Variants in IGFL1 observed in about 807,000 individuals in gnomAD.
The protein encoded by IGFL1 is insulin growth factor-like family member 1.
IGFL1 carries 16 observed loss-of-function variants against 16.0 expected under a neutral mutation model. The ratio of observed to expected loss-of-function variants is 1.00; its 90% CI spans 0.68 to 1.52. IGFL1 has a LOEUF of 1.52. Among genes scored for constraint, IGFL1 ranks in the 40% most tolerant of loss-of-function variants. The pLI, the probability that IGFL1 is intolerant of heterozygous loss-of-function variation, is 0.00. For missense variants in IGFL1, 149 were observed against 141.7 expected (o/e 1.05, Z -0.26); for synonymous variants, 59 against 54.0 (o/e 1.09, Z -0.41).
At chr19:46,230,232 C>T in intron 2 of IGFL1, 42 bp from the exon 3 acceptor site, 1 of 1,613,476 alleles carries the variant, frequency 6.2e-7, no homozygotes, top group South Asian at 1.1e-5. Flanking sequence ...TGGGACCCAC[C>T]TGCCACTACC....
In IGFL1 at chr19:46,230,881, T is replaced by G; in HGVS notation, c.*51T>G. 1 of 1,571,284 alleles carries G rather than the reference T, an allele frequency of 6.4e-7. No homozygotes were observed. The highest frequency in any genetic ancestry group is 8.7e-7 in the Non-Finnish European group (1 of 1,149,040). ...CTGGATTCTCCTTCCTGGGTGGGCCTGGAGAAAGAGGCTGGTGTTACCTGA... is the reference window on the plus strand; with the variant it reads ...CTGGATTCTCCTTCCTGGGTGGGCCGGGAGAAAGAGGCTGGTGTTACCTGA... On this transcript the variant is annotated 3_prime_UTR_variant, in exon 4 of 4. Transcript: ENST00000437936.
At chr19:46,230,624 TTC>T (rs1424087707) in intron 3 of IGFL1, 107 bp downstream of exon 3, 5 of 1,514,934 alleles carry the variant, frequency 3.3e-6, no homozygotes, top group Admixed American at 1.7e-5. Context: ...TGCCCCCTGC[TTC>T]TATTCAATCC....
At position 46,230,326 on chromosome 19, in the gene IGFL1, G is replaced by A. The variant is rs957698371; in HGVS notation, c.132G>A (p.Gly44=). The change falls in exon 3 of 4, where the codon GGG becomes GGA. Residue 44 remains glycine (G), a synonymous_variant. Transcript: ENST00000437936. ...TGTGCCAGCCACACAAGAGATGTGG[G>A]GACAAGTTCTACGACCCCCTGCAGC... The part of the protein sequence containing the change: ...LMLCQPHKRC[G]DKFYDPLQHC... The A allele has an allele frequency of 2.5e-6, 4 of 1,613,850 alleles. No individual in the cohort carries two copies. Among genetic ancestry groups the A allele is most frequent in the African/African-American group, 2.7e-5 (2 of 74,894 alleles).
At position 46,230,129 on chromosome 19, in the gene IGFL1, T is replaced by C. The variant is rs147938784; in HGVS notation, c.47T>C (p.Ile16Thr). The C allele has an allele frequency of 1.9e-4, 308 of 1,613,854 alleles. 1 individual carries two copies. In the African/African-American group the frequency reaches 3.8e-3, roughly 20 times the overall value. Residue 16 changes from isoleucine to threonine, a missense_variant, in exon 2 of 4, where the codon ATC (isoleucine) becomes ACC (threonine). Physicochemically the swap from Ile to Thr is moderately conservative, Grantham distance 89 (BLOSUM62 -1). Coordinates refer to ENST00000437936, the MANE Select transcript of IGFL1 (RefSeq NM_198541.2). Reference protein sequence around the residue: ...CIVAVFAIFCISRLLCSHGAP... With the variant: ...CIVAVFAIFCTSRLLCSHGAP... ...ACAGCTGTCTTTGCCATTTTCTGCA[T>C]CTCCAGGCTCCTCTGCTCACACGGA...
In IGFL1 at chr19:46,230,329, C is replaced by A; in HGVS notation, c.135C>A (p.Asp45Glu). The A allele has an allele frequency of 1.2e-6, 2 of 1,614,014 alleles. No individual in the cohort carries two copies. Among genetic ancestry groups the A allele is most frequent in the Non-Finnish European group, 8.5e-7 (1 of 1,179,894 alleles). Residue 45 changes from aspartate to glutamate, a missense_variant, in exon 3 of 4, where the codon GAC becomes GAA. Transcript: ENST00000437936. ...MLCQPHKRCG[D>E]KFYDPLQHCC... ...GCCAGCCACACAAGAGATGTGGGGACAAGTTCTACGACCCCCTGCAGCACT... is the reference window on the plus strand; with the variant it reads ...GCCAGCCACACAAGAGATGTGGGGAAAAGTTCTACGACCCCCTGCAGCACT...
Position 46,230,900 on chromosome 19 carries a change from T to A in IGFL1, c.*70T>A. ...TGGGCCTGGAGAAAGAGGCTGGTGT[T>A]ACCTGAGATCTGGGATGCTGAGTGG... On this transcript the variant is annotated 3_prime_UTR_variant, in exon 4 of 4. Transcript: ENST00000437936. The A allele has an allele frequency of 6.8e-7, 1 of 1,476,170 alleles. No homozygotes were observed. The highest frequency in any genetic ancestry group is 9.4e-7 in the Non-Finnish European group (1 of 1,068,172). 91.4% of individuals were successfully genotyped at this position (1,476,170 alleles called of 1,614,324 possible).
chr19:46,230,785 G>A, intron 3 of IGFL1, 36 bp from the exon 4 acceptor site: 1 of 1,609,868 alleles, frequency 6.2e-7, no homozygotes. Flanking sequence ...GGCCATCTCT[G>A]TCCCGCTCAG....
chr19:46,230,563 A>G (rs1329872834), intron 3 of IGFL1, 46 bp downstream of exon 3: 1 of 1,604,956 alleles, frequency 6.2e-7, no homozygotes, highest in Admixed American at 1.7e-5. Flanking sequence ...GGGTAGCTGC[A>G]TGCCTGTTCT....
At position 46,229,742 on chromosome 19, in the gene IGFL1, C is replaced by A. The variant is rs377438135; in HGVS notation, c.-33C>A. On this transcript the variant is annotated 5_prime_UTR_variant, in exon 1 of 4. Coordinates refer to ENST00000437936, the MANE Select transcript of IGFL1 (RefSeq NM_198541.2). ...AAAGGAGTGGCTGAGATCTGCTGAT[C>A]CCCTCCTCACTCCACTGCAACCACC... 6 of 1,589,608 alleles carry A rather than the reference C, an allele frequency of 3.8e-6. No individual in the cohort carries two copies. Among genetic ancestry groups the A allele is most frequent in the Admixed American group, 1.8e-5 (1 of 56,818 alleles).
chr19:46,231,039 G>A lies in IGFL1; in HGVS notation c.*209G>A. On this transcript the variant is annotated 3_prime_UTR_variant, in exon 4 of 4. Transcript: ENST00000437936. The stretch of plus-strand genomic sequence containing the variant: ...CCCACAGGTCCCCTTCTAGAATTCT[G>A]GACAGCATGAGATGCGTGTGCTGAT... 1.6e-6 allele frequency: 1 copy of A among 640,270 alleles called. No homozygotes were observed. Among genetic ancestry groups the A allele is most frequent in the African/African-American group, 1.8e-5 (1 of 55,770 alleles). 39.7% of individuals were successfully genotyped at this position (640,270 alleles called of 1,614,324 possible). A position where few individuals can be genotyped will look rare whatever the true frequency, so the allele number is the denominator to read the frequency against.
chr19:46,230,332 G>A lies in IGFL1; in HGVS notation c.138G>A (p.Lys46=). 1.2e-6 allele frequency: 2 copies of A among 1,613,998 alleles called. No homozygotes were observed. The highest frequency in any genetic ancestry group is 8.5e-7 in the Non-Finnish European group (1 of 1,179,888). ...AGCCACACAAGAGATGTGGGGACAA[G>A]TTCTACGACCCCCTGCAGCACTGTT... ...LCQPHKRCGD[K]FYDPLQHCCY... Residue 46 remains lysine (K), a synonymous_variant, in exon 3 of 4, where the codon AAG becomes AAA. Coordinates refer to ENST00000437936, the MANE Select transcript of IGFL1 (RefSeq NM_198541.2).
At chr19:46,230,712 T>C in intron 3 of IGFL1, 109 bp from the exon 4 acceptor site, 2 of 1,393,792 alleles carry the variant, frequency 1.4e-6, no homozygotes, top group South Asian at 2.4e-5. Flanking sequence ...TCTACCCCGC[T>C]GTCCTCTCCT....
chr19:46,230,159 C>T lies in IGFL1; in HGVS notation c.77C>T (p.Pro26Leu), dbSNP rs1967226854. The change falls in exon 2 of 4, where the codon CCA becomes CTA. Residue 26 changes from proline (P) to leucine (L), a missense_variant and splice_region_variant. By Grantham distance (98) the Pro-to-Leu change is moderately conservative. Transcript: ENST00000437936. Reference protein sequence around the residue: ...ISRLLCSHGAPVAPMTPYLML... With the variant: ...ISRLLCSHGALVAPMTPYLML... ...AGGCTCCTCTGCTCACACGGAGCCC[C>T]AGGTGAGCCCAGGAGTGTTTGGGAA... 2 of 1,613,992 alleles carry T rather than the reference C, an allele frequency of 1.2e-6. No homozygotes were observed. The highest frequency in any genetic ancestry group is 1.7e-6 in the Non-Finnish European group (2 of 1,179,880).
intron 1 of IGFL1, 76 bp from the exon 2 acceptor site, chr19:46,230,032 G>A: frequency 2.6e-6 from 4 of 1,545,988 alleles, no homozygotes; most frequent in Non-Finnish European, 3.6e-6. Flanking sequence ...GTTCCACCCA[G>A]TCTTCTTCTA....
intron 3 of IGFL1, 34 bp downstream of exon 3, chr19:46,230,551 C>T (rs1387068482): frequency 3.7e-6 from 6 of 1,609,190 alleles, no homozygotes; most frequent in Non-Finnish European, 3.4e-6. Context: ...ATTGTGGGTG[C>T]AGGGTAGCTG....
chr19:46,229,869 C>A lies in IGFL1; in HGVS notation c.25+70C>A, dbSNP rs1967223810. ...CTCAGCCACCACCAGGGCTCTCTCC[C>A]TACCCCAAACTACACCTCATCCCTG... On this transcript the variant is annotated intron_variant, in intron 1 of 3. Coordinates refer to ENST00000437936, the MANE Select transcript of IGFL1 (RefSeq NM_198541.2). 2.0e-6 allele frequency: 3 copies of A among 1,494,116 alleles called. No individual in the cohort carries two copies. In the Admixed American group the frequency reaches 5.7e-5, roughly 28 times the overall value. 92.6% of individuals were successfully genotyped at this position (1,494,116 alleles called of 1,614,324 possible). A position where few individuals can be genotyped will look rare whatever the true frequency, so the allele number is the denominator to read the frequency against.
In IGFL1 at chr19:46,230,849, A is replaced by G. The variant is rs747579927; in HGVS notation, c.*19A>G. On this transcript the variant is annotated 3_prime_UTR_variant, in exon 4 of 4. Transcript: ENST00000437936. ...CAGCTAATGGAACATCAGGGGAACG[A>G]TGACTCCTGGATTCTCCTTCCTGGG... The G allele has an allele frequency of 3.7e-6, 6 of 1,608,276 alleles. No homozygotes were observed. The highest frequency in any genetic ancestry group is 5.1e-6 in the Non-Finnish European group (6 of 1,176,964).
At chr19:46,230,620 C>A (rs911039682) in intron 3 of IGFL1, 103 bp downstream of exon 3, 5 of 1,529,214 alleles carry the variant, frequency 3.3e-6, no homozygotes, top group Non-Finnish European at 3.6e-6. Context: ...TCTCTGCCCC[C>A]TGCTTCTATT....
chr19:46,230,255 C>A lies in IGFL1; in HGVS notation c.80-19C>A. On this transcript the variant is annotated intron_variant, in intron 2 of 3. Coordinates refer to ENST00000437936, the MANE Select transcript of IGFL1 (RefSeq NM_198541.2). ...ACCTGCCACTACCTCCTGGATCTCA[C>A]CAGCTCTGTCTCCTCCAGTGGCCCC... 1 of 1,613,866 alleles carries A rather than the reference C, an allele frequency of 6.2e-7. No homozygotes were observed. The highest frequency in any genetic ancestry group is 8.5e-7 in the Non-Finnish European group (1 of 1,179,832).
Sources: gnomAD v4.1 joint callset for allele counts on GRCh38, gnomAD v4.1.1 for gene constraint, MANE v1.5 for transcripts, NCBI Gene and HGNC (gene_info 2026-07-23, HGNC 2026-07-21) for gene names.